Variants in C4orf51 observed in about 807,000 individuals in gnomAD.
C4orf51 encodes chromosome 4 open reading frame 51, also known as uncharacterized protein C4orf51.
Under a neutral mutation model 25.2 loss-of-function variants are expected in C4orf51, and 25 were observed. The observed-to-expected ratio is 0.99, with a 90% confidence interval of 0.72 to 1.39. C4orf51 has a LOEUF of 1.39. C4orf51 is among the 40% of genes most tolerant of loss of function. C4orf51 has a pLI of 0.00. For missense variants in C4orf51, 252 were observed against 239.6 expected (o/e 1.05, Z -0.34); for synonymous variants, 100 against 84.5 (o/e 1.18, Z -1.01).
chr4:145,715,696 G>A (rs1048166191), intron 2 of C4orf51, among the ~76,000 whole-genome samples: 3 of 152,054 alleles, frequency 2.0e-5, no homozygotes, highest in South Asian at 2.1e-4. Flanking sequence ...CTCCTATTCT[G>A]CCATTTTACT....
chr4:145,728,864 T>C (rs1293797387), intron 3 of C4orf51, among the ~76,000 whole-genome samples: 7 of 152,154 alleles, frequency 4.6e-5, no homozygotes, highest in Admixed American at 4.6e-4. Flanking sequence ...ATTGTACTCC[T>C]TTGTCTATAT....
chr4:145,698,879 C>A (rs111558980), intron 2 of C4orf51, among the ~76,000 whole-genome samples: 1 of 152,200 alleles, frequency 6.6e-6, no homozygotes. Flanking sequence ...TGCACATATA[C>A]GCCCAGATGG....
At chr4:145,780,954 C>T in the C4orf51 span, among the ~76,000 whole-genome samples, 53 of 152,232 alleles carry the variant, frequency 3.5e-4, no homozygotes, top group East Asian at 1.2e-3. Context: ...CCCAGCACTT[C>T]GGGAGGCCGA....
intron 2 of C4orf51, among the ~76,000 whole-genome samples, chr4:145,721,365 T>C (rs532754327): frequency 9.8e-4 from 136 of 138,798 alleles, no homozygotes; most frequent in South Asian, 4.9e-3. Context: ...AAAAAAAAGA[T>C]CACACTGGCC....
chr4:145,705,324 T>G (rs1302457349), intron 2 of C4orf51, among the ~76,000 whole-genome samples: 1 of 152,210 alleles, frequency 6.6e-6, no homozygotes, highest in Non-Finnish European at 1.5e-5. Context: ...TGTGACCAAT[T>G]ATTATTTTAA....
downstream of C4orf51, chr4:145,758,607 C>T (rs905068323): frequency 6.6e-6 from 1 of 152,270 alleles, no homozygotes; most frequent in African/African-American, 2.4e-5. Context: ...AAACAAAAAA[C>T]CAACCCACCC....
At chr4:145,708,897 A>T (rs2126722393) in intron 2 of C4orf51, among the ~76,000 whole-genome samples, 1 of 152,326 alleles carries the variant, frequency 6.6e-6, no homozygotes, top group South Asian at 2.1e-4. Flanking sequence ...AAGTAAAAAG[A>T]GGCCTGCTTG....
downstream of C4orf51, among the ~76,000 whole-genome samples, chr4:145,755,681 C>T (rs779121556): frequency 6.6e-6 from 1 of 152,202 alleles, no homozygotes; most frequent in Non-Finnish European, 1.5e-5. Context: ...TTCTGGGAGT[C>T]ACCCCACTTC....
At chr4:145,778,660 C>G in the C4orf51 span, among the ~76,000 whole-genome samples, 1 of 152,104 alleles carries the variant, frequency 6.6e-6, no homozygotes, top group Non-Finnish European at 1.5e-5. Flanking sequence ...TACTTCCTGT[C>G]TTGCTTTTTA....
chr4:145,733,055 C>G (rs934109339), downstream of C4orf51, among the ~76,000 whole-genome samples: 3 of 152,166 alleles, frequency 2.0e-5, no homozygotes, highest in Non-Finnish European at 2.9e-5. Context: ...CGGCCTCAGA[C>G]GCGGCGGGCT....
Position 145,765,554 on chromosome 4 carries a change from T to C in C4orf51, n.167-5434T>C, listed in dbSNP as rs1735162693. The C allele has an allele frequency of 1.9e-6, 3 of 1,612,046 alleles. No homozygotes were observed. Among genetic ancestry groups the C allele is most frequent in the Admixed American group, 1.7e-5 (1 of 59,844 alleles). On this transcript the variant is annotated intron_variant and non_coding_transcript_variant, in intron 1 of 1. Coordinates refer to the C4orf51 transcript ENST00000510096. This position sits in a 1 kb window ranked among gnomAD's most constrained non-coding sequence, Gnocchi z 4.7. The stretch of plus-strand genomic sequence containing the variant: ...CACCCACCTCCTCCTTACCTTTCTC[T>C]GGCTTTTCCTCACTGTTCAGTGAGG...
rs1732538109 is a variant in C4orf51 at position 145,732,589 on chromosome 4, GC to G, written c.*30del. On this transcript the variant is annotated 3_prime_UTR_variant, in exon 6 of 6. Transcript: ENST00000438731. ...GGAAAATGAAGCCACAAGGCTGGAG[GC>G]GTGGAGTTTGCTTAATAAACAACTT... 2 of 1,521,368 alleles carry G rather than the reference GC, an allele frequency of 1.3e-6. No homozygotes were observed. The highest frequency in any genetic ancestry group is 1.8e-6 in the Non-Finnish European group (2 of 1,103,796). The allele number at this position is 1,521,368 out of a possible 1,614,324, so 94.2% of individuals were successfully genotyped here. A position where few individuals can be genotyped will look rare whatever the true frequency, so the allele number is the denominator to read the frequency against.
At chr4:145,705,931 A>G (rs73854918) in intron 2 of C4orf51, among the ~76,000 whole-genome samples, 4,394 of 152,272 alleles carry the variant, frequency 0.029, 212 homozygotes, top group African/African-American at 0.099. Flanking sequence ...ACTTGGGTGC[A>G]TGGGGTTGCT....
chr4:145,760,749 C>G (rs1232079754), intron 1 of C4orf51: 11 of 696,064 alleles, frequency 1.6e-5, no homozygotes, highest in Non-Finnish European at 1.6e-5. Context: ...TCTTTTGTCT[C>G]TCTGTTTTTG....
intron 2 of C4orf51, among the ~76,000 whole-genome samples, chr4:145,704,661 T>C (rs1051239249): frequency 2.2e-4 from 34 of 152,206 alleles, no homozygotes; most frequent in African/African-American, 6.8e-4. Flanking sequence ...ACAAATGTTT[T>C]TTCTTGCTGC....
At chr4:145,752,899 T>G (rs1484373470) in intron 1 of C4orf51, among the ~76,000 whole-genome samples, 2 of 152,150 alleles carry the variant, frequency 1.3e-5, no homozygotes, top group African/African-American at 4.8e-5. Flanking sequence ...TTCAGCCTAG[T>G]TTTGTTTTCC....
At chr4:145,738,712 T>C (rs1732942174) in intron 1 of C4orf51, among the ~76,000 whole-genome samples, 1 of 152,036 alleles carries the variant, frequency 6.6e-6, no homozygotes, top group Non-Finnish European at 1.5e-5. Context: ...TGATCTCAGC[T>C]CACTGCAACC....
intron 1 of C4orf51, among the ~76,000 whole-genome samples, chr4:145,748,524 TA>T (rs773917311): frequency 5.9e-5 from 9 of 152,132 alleles, no homozygotes; most frequent in Non-Finnish European, 1.3e-4. Context: ...CAGGCACTTA[TA>T]GTTATAAACT....
At chr4:145,778,723 T>C in the C4orf51 span, among the ~76,000 whole-genome samples, 1 of 152,224 alleles carries the variant, frequency 6.6e-6, no homozygotes, top group African/African-American at 2.4e-5. Flanking sequence ...TATCATTTTG[T>C]TTTTGTGTTC....
Sources: gnomAD v4.1 joint callset for allele counts (sites outside exome capture counted in the v4.1 genomes callset) on GRCh38, gnomAD v4.1.1 for gene constraint, Gnocchi (gnomAD v3.1) non-coding constraint, MANE v1.5 for transcripts, NCBI Gene and HGNC (gene_info 2026-07-23, HGNC 2026-07-21) for gene names.